RMDN2: variants seen among roughly 807,000 people sequenced by gnomAD.
The protein encoded by RMDN2 is regulator of microtubule dynamics 2.
A neutral mutation model predicts 52.8 loss-of-function variants in RMDN2; 61 were observed. That is an observed-to-expected ratio of 1.16 (90% CI 0.94 to 1.43). The LOEUF (loss-of-function observed/expected upper bound fraction) is 1.43, where lower values mean the gene tolerates loss of function less well. Ranked by LOEUF, RMDN2 falls within the 40% of genes most tolerant of loss-of-function variation. The pLI is 0.00. For synonymous variants in RMDN2, 180 were observed against 153.1 expected, an observed-to-expected ratio of 1.18 and a Z score of -1.30; for missense variants, 592 against 475.3, an observed-to-expected ratio of 1.25 and a Z score of -2.28.
chr2:38,002,558 C>T (rs1486936523), intron 8 of RMDN2, among the ~76,000 whole-genome samples: 1 of 152,140 alleles, frequency 6.6e-6, no homozygotes, highest in Non-Finnish European at 1.5e-5. Flanking sequence ...TCTAGCTTTA[C>T]TGAGGTATAA....
At chr2:38,060,602 A>G (rs1449988829) in intron 10 of RMDN2, among the ~76,000 whole-genome samples, 7 of 152,156 alleles carry the variant, frequency 4.6e-5, no homozygotes, top group Non-Finnish European at 8.8e-5. Flanking sequence ...GGAGAGTGAC[A>G]GGGGAGGTGC....
intron 2 of RMDN2, chr2:37,951,119 A>G (rs1417956069): frequency 3.9e-6 from 4 of 1,019,618 alleles, no homozygotes; most frequent in Non-Finnish European, 5.7e-6. Flanking sequence ...ATTAGTATGG[A>G]AACAATACCA....
chr2:38,044,538 C>T (rs1681155786), intron 10 of RMDN2, among the ~76,000 whole-genome samples: 1 of 151,732 alleles, frequency 6.6e-6, no homozygotes, highest in Admixed American at 6.6e-5. Flanking sequence ...TCTATAATTG[C>T]CTCACAGTTG....
intron 5 of RMDN2, among the ~76,000 whole-genome samples, chr2:37,988,733 A>G (rs564469532): frequency 3.0e-4 from 45 of 152,386 alleles, no homozygotes; most frequent in Non-Finnish European, 4.7e-4. Context: ...ATTTTACCTT[A>G]GACAAAAACA....
chr2:37,991,824 C>T (rs566219351), intron 7 of RMDN2, among the ~76,000 whole-genome samples: 2 of 152,196 alleles, frequency 1.3e-5, no homozygotes, highest in South Asian at 2.1e-4. Flanking sequence ...GGAAGGGATA[C>T]GCGACATATA....
chr2:38,015,557 C>G (rs1573110376), intron 10 of RMDN2, among the ~76,000 whole-genome samples: 1 of 144,324 alleles, frequency 6.9e-6, no homozygotes. Flanking sequence ...GAGCGAGACT[C>G]CGTCTCAAAA....
intron 10 of RMDN2, among the ~76,000 whole-genome samples, chr2:38,023,850 G>T (rs1383123039): frequency 6.6e-6 from 1 of 152,086 alleles, no homozygotes; most frequent in Non-Finnish European, 1.5e-5. Context: ...ATTTTGACGT[G>T]TACACCCACG....
intron 4 of RMDN2, among the ~76,000 whole-genome samples, chr2:37,977,740 C>T (rs978176517): frequency 4.0e-5 from 6 of 149,962 alleles, no homozygotes; most frequent in Admixed American, 6.6e-5. Flanking sequence ...GGGGCAGAGG[C>T]GCTCCCCACA....
intron 10 of RMDN2, among the ~76,000 whole-genome samples, chr2:38,028,643 G>A (rs993735905): frequency 6.6e-6 from 1 of 152,124 alleles, no homozygotes; most frequent in Admixed American, 6.6e-5. Flanking sequence ...AAATGGCTGT[G>A]CTGCAGCCTC....
rs371956325 is a variant in RMDN2 at position 37,991,243 on chromosome 2, A to T, written c.891A>T (p.Lys297Asn). 1 of 1,589,810 alleles carries T rather than the reference A, an allele frequency of 6.3e-7. No individual in the cohort carries two copies. Among genetic ancestry groups the T allele is most frequent in the Non-Finnish European group, 8.6e-7 (1 of 1,166,738 alleles). ...LFKEHLDIAI[K>N]LLPEEPFLYY... Reference sequence around the variant, plus strand: ...AGGAACATCTAGATATAGCAATCAAACTTTTACCAGAGGAACCCTTTCTAT... The same window carrying T: ...AGGAACATCTAGATATAGCAATCAATCTTTTACCAGAGGAACCCTTTCTAT... The change falls in exon 7 of 11, where the codon AAA (lysine) becomes AAT (asparagine). Residue 297 changes from lysine to asparagine, a missense_variant. Transcript: ENST00000354545.
chr2:37,932,277 C>G (rs1356411929), intron 2 of RMDN2, among the ~76,000 whole-genome samples: 1 of 151,080 alleles, frequency 6.6e-6, no homozygotes, highest in African/African-American at 2.4e-5. Context: ...AAGGAGCATG[C>G]TGCCTTCAAG....
At chr2:37,980,542 G>T (rs1440857470) in intron 4 of RMDN2, among the ~76,000 whole-genome samples, 1 of 152,140 alleles carries the variant, frequency 6.6e-6, no homozygotes, top group Non-Finnish European at 1.5e-5. Flanking sequence ...GACCTCAGGT[G>T]ATCCACCTGC....
chr2:37,946,265 G>T (rs573378919), intron 2 of RMDN2, among the ~76,000 whole-genome samples: 87 of 152,244 alleles, frequency 5.7e-4, no homozygotes, highest in Non-Finnish European at 1.0e-3. Flanking sequence ...GGTGTAGGGG[G>T]TTGGAAGTTG....
chr2:37,962,774 A>C (rs1030608236), intron 2 of RMDN2, among the ~76,000 whole-genome samples: 1 of 151,844 alleles, frequency 6.6e-6, no homozygotes, highest in Non-Finnish European at 1.5e-5. Flanking sequence ...CAGCTACCTC[A>C]GTGTCTGCTC....
At chr2:37,998,648 C>T (rs1230664448) in intron 8 of RMDN2, among the ~76,000 whole-genome samples, 1 of 152,158 alleles carries the variant, frequency 6.6e-6, no homozygotes, top group Non-Finnish European at 1.5e-5. Context: ...CACTTTCTAT[C>T]TCTCACCCCC....
chr2:37,999,586 A>G (rs1479608467), intron 8 of RMDN2, among the ~76,000 whole-genome samples: 1 of 152,138 alleles, frequency 6.6e-6, no homozygotes, highest in Admixed American at 6.5e-5. Context: ...GAGAGGACTG[A>G]GGGGTCTGGA....
At chr2:38,065,902 A>C (rs1431167977) in intron 10 of RMDN2, among the ~76,000 whole-genome samples, 1 of 152,214 alleles carries the variant, frequency 6.6e-6, no homozygotes, top group Non-Finnish European at 1.5e-5. Context: ...ATTCCCGCAC[A>C]ATGTCAGTTA....
intron 8 of RMDN2, 88 bp downstream of exon 8, chr2:37,997,602 C>A: frequency 1.2e-6 from 1 of 852,648 alleles, no homozygotes; most frequent in Non-Finnish European, 2.0e-6. Flanking sequence ...ATCTTTTCTC[C>A]ATGTGGAGCC....
chr2:38,013,728 C>G lies in RMDN2; in HGVS notation c.1180-3458C>G, dbSNP rs867190181. 3.3e-5 allele frequency among the ~76,000 whole-genome samples: 5 copies of G among 152,300 alleles called. No homozygotes were observed. The South Asian group carries it at 6.2e-4, about 19-fold the overall frequency. The stretch of plus-strand genomic sequence containing the variant: ...ACAGAATTTGTATCCATTCACTCTG[C>G]CTTCCTGTTATAGAAATGCTACAGC... On this transcript the variant is annotated intron_variant, in intron 10 of 10. Coordinates refer to ENST00000354545, the MANE Select transcript of RMDN2 (RefSeq NM_001170791.3).
Sources: gnomAD v4.1 joint callset for allele counts (sites outside exome capture counted in the v4.1 genomes callset) on GRCh38, gnomAD v4.1.1 for gene constraint, MANE v1.5 for transcripts, NCBI Gene and HGNC (gene_info 2026-07-23, HGNC 2026-07-21) for gene names.